Variants in PCDHGA10 observed in about 807,000 individuals in gnomAD.
The protein encoded by PCDHGA10 is protocadherin gamma subfamily A, 10, also known as protocadherin gamma-A10.
A neutral mutation model predicts 59.5 loss-of-function variants in PCDHGA10; 42 were observed. That is an observed-to-expected ratio of 0.71 (90% CI 0.55 to 0.91). The LOEUF (loss-of-function observed/expected upper bound fraction) is 0.91, where lower values mean the gene tolerates loss of function less well. Among genes scored for constraint, PCDHGA10 ranks in the 40% least tolerant of loss-of-function variants. PCDHGA10 has a pLI of 0.00. For missense variants in PCDHGA10, 1,111 were observed against 1,198.2 expected, an observed-to-expected ratio of 0.93 and a Z score of 1.07; for synonymous variants, 511 against 517.2, an observed-to-expected ratio of 0.99 and a Z score of 0.16.
In PCDHGA10 at chr5:141,432,075, C is replaced by G. The variant is rs2097446801; in HGVS notation, c.2436+16464C>G. 2 of 1,614,086 alleles carry G rather than the reference C, an allele frequency of 1.2e-6. No individual in the cohort carries two copies. Among genetic ancestry groups the G allele is most frequent in the Non-Finnish European group, 1.7e-6 (2 of 1,180,054 alleles). ...CCCCTATCCACGGAAACTCATATCT[C>G]GCTGAACGTGGCAGACACCAACGAC... On this transcript the variant is annotated intron_variant, in intron 1 of 3. Transcript: ENST00000398610. This position sits in a 1 kb window ranked among gnomAD's most constrained non-coding sequence, Gnocchi z 6.0.
chr5:141,414,394 A>G lies in PCDHGA10; in HGVS notation c.1219A>G (p.Arg407Gly). ...AGAAAAGTCCATTGACAGTTATTAC[A>G]GATTGGTGATACACAGAGCCCTTGA... Reference protein sequence around the residue: ...KLEKSIDSYYRLVIHRALDRE... With the variant: ...KLEKSIDSYYGLVIHRALDRE... Residue 407 changes from arginine to glycine, a missense_variant, in exon 1 of 4, where the codon AGA becomes GGA. Transcript: ENST00000398610. 1 of 1,613,930 alleles carries G rather than the reference A, an allele frequency of 6.2e-7. No individual in the cohort carries two copies. Among genetic ancestry groups the G allele is most frequent in the Non-Finnish European group, 8.5e-7 (1 of 1,179,892 alleles).
At chr5:141,466,938 G>C (rs985959499) in intron 1 of PCDHGA10, among the ~76,000 whole-genome samples, 1 of 151,854 alleles carries the variant, frequency 6.6e-6, no homozygotes, top group Non-Finnish European at 1.5e-5. Context: ...TTAGTCCTTT[G>C]TCCAGTAAAC....
intron 1 of PCDHGA10, chr5:141,420,239 C>G (rs984335177): frequency 1.3e-6 from 2 of 1,593,300 alleles, no homozygotes; most frequent in African/African-American, 2.7e-5. Flanking sequence ...CATTTTAACT[C>G]CCAGCGTTGA....
Position 141,476,745 on chromosome 5 carries a change from T to C in PCDHGA10, c.2437-18062T>C, listed in dbSNP as rs1372622323. 6.2e-7 allele frequency: 1 copy of C among 1,613,958 alleles called. No individual in the cohort carries two copies. On this transcript the variant is annotated intron_variant, in intron 1 of 3. Coordinates refer to ENST00000398610, the MANE Select transcript of PCDHGA10 (RefSeq NM_018913.3). This position sits in a 1 kb window ranked among gnomAD's most constrained non-coding sequence, Gnocchi z 7.6. The stretch of plus-strand genomic sequence containing the variant: ...CTGGACCGAGAACGGGAGCCTAGTC[T>C]CCAGTTAGTGCTGACGGCGTTGGAC...
At chr5:141,478,639 A>G (rs377308663) in intron 1 of PCDHGA10, 168 of 1,552,322 alleles carry the variant, frequency 1.1e-4, no homozygotes, top group Non-Finnish European at 1.0e-4. Context: ...TTAGTGATGA[A>G]GATGTTTTCC....
chr5:141,416,504 C>CA (rs1467352050), intron 1 of PCDHGA10: 4 of 152,040 alleles, frequency 2.6e-5, no homozygotes, highest in African/African-American at 9.7e-5. Context: ...AGATATATGA[C>CA]AAAGCTATTT....
intron 3 of PCDHGA10, 125 bp downstream of exon 3, chr5:141,505,606 C>G: frequency 6.5e-7 from 1 of 1,528,642 alleles, no homozygotes; most frequent in Non-Finnish European, 8.8e-7. Flanking sequence ...TTCGGCAGGT[C>G]TGAAAGGACC....
In PCDHGA10 at chr5:141,487,460, G is replaced by T; in HGVS notation, c.2437-7347G>T. ...AGGGTCAGATGACCCTATCAAGTTT[G>T]TTGATGTGGGAGGCCACTCTCATGG... On this transcript the variant is annotated intron_variant, in intron 1 of 3. Transcript: ENST00000398610. The surrounding 1 kb of genome is among the most constrained non-coding windows in gnomAD (Gnocchi z 5.0). 1 of 1,614,170 alleles carries T rather than the reference G, an allele frequency of 6.2e-7. No individual in the cohort carries two copies. Among genetic ancestry groups the T allele is most frequent in the Non-Finnish European group, 8.5e-7 (1 of 1,180,024 alleles).
intron 1 of PCDHGA10, chr5:141,420,342 T>C: frequency 7.2e-7 from 1 of 1,388,390 alleles, no homozygotes; most frequent in Non-Finnish European, 9.6e-7. Flanking sequence ...AATATAGTGG[T>C]ATTATTTTAA....
At chr5:141,503,802 G>A (rs2099831646) in intron 2 of PCDHGA10, among the ~76,000 whole-genome samples, 1 of 151,998 alleles carries the variant, frequency 6.6e-6, no homozygotes, top group South Asian at 2.1e-4. Context: ...CTTAGGGACG[G>A]GGAATCCCAG....
chr5:141,470,476 A>G (rs1009129571), intron 1 of PCDHGA10, among the ~76,000 whole-genome samples: 7 of 152,128 alleles, frequency 4.6e-5, no homozygotes, highest in African/African-American at 1.7e-4. Context: ...GATATTACTA[A>G]CCCTCTGGGA....
chr5:141,492,026 G>A, intron 1 of PCDHGA10: 1 of 567,198 alleles, frequency 1.8e-6, no homozygotes, highest in South Asian at 2.9e-5. Flanking sequence ...GGGGTCCCGG[G>A]AGGAGGCAGT....
chr5:141,471,843 T>C (rs1471729261), intron 1 of PCDHGA10, among the ~76,000 whole-genome samples: 2 of 152,166 alleles, frequency 1.3e-5, no homozygotes, highest in Admixed American at 6.5e-5. Context: ...TTTAATAAAA[T>C]ATTCAGAAAA....
chr5:141,447,658 A>C (rs114314834), intron 1 of PCDHGA10, among the ~76,000 whole-genome samples: 3,576 of 152,302 alleles, frequency 0.023, 90 homozygotes, highest in Non-Finnish European at 0.03. Context: ...TTTCCCCCCC[A>C]GGAAGTTAGA....
At chr5:141,467,597 A>T (rs2099147099) in intron 1 of PCDHGA10, among the ~76,000 whole-genome samples, 1 of 152,136 alleles carries the variant, frequency 6.6e-6, no homozygotes, top group Non-Finnish European at 1.5e-5. Flanking sequence ...TTTATTAAGC[A>T]CTTCATCTTT....
intron 1 of PCDHGA10, chr5:141,417,570 T>A: frequency 2.7e-6 from 1 of 373,028 alleles, no homozygotes; most frequent in Non-Finnish European, 4.7e-6. Context: ...AAAAGTCAAG[T>A]TGCAGTCCCA....
Position 141,413,772 on chromosome 5 carries a change from A to G in PCDHGA10, c.597A>G (p.Val199=). 3 of 1,613,226 alleles carry G rather than the reference A, an allele frequency of 1.9e-6. No homozygotes were observed. Among genetic ancestry groups the G allele is most frequent in the Non-Finnish European group, 2.5e-6 (3 of 1,179,888 alleles). The change falls in exon 1 of 4, where the codon GTA becomes GTG. Residue 199 remains valine, a synonymous_variant. Coordinates refer to ENST00000398610, the MANE Select transcript of PCDHGA10 (RefSeq NM_018913.3). ...ATGGCGTCAAGTACCCGGAGCTGGTACTGGAGCACTCCCTAGATCGCGAGG... is the reference window on the plus strand; with the variant it reads ...ATGGCGTCAAGTACCCGGAGCTGGTGCTGGAGCACTCCCTAGATCGCGAGG... ...RANGVKYPEL[V]LEHSLDREEE...
chr5:141,425,763 G>A (rs959881638), intron 1 of PCDHGA10, among the ~76,000 whole-genome samples: 3 of 152,164 alleles, frequency 2.0e-5, no homozygotes, highest in Non-Finnish European at 4.4e-5. Context: ...TCTACAACAG[G>A]AGAGAAGACT....
chr5:141,495,853 C>T (rs1254274145), intron 2 of PCDHGA10, among the ~76,000 whole-genome samples: 1 of 152,136 alleles, frequency 6.6e-6, no homozygotes, highest in African/African-American at 2.4e-5. Context: ...TTCTCTGTCT[C>T]TCACTATTTC....
Sources: gnomAD v4.1 joint callset for allele counts (sites outside exome capture counted in the v4.1 genomes callset) on GRCh38, gnomAD v4.1.1 for gene constraint, Gnocchi (gnomAD v3.1) non-coding constraint, MANE v1.5 for transcripts, NCBI Gene and HGNC (gene_info 2026-07-23, HGNC 2026-07-21) for gene names.